ZFAND3: variants seen among roughly 807,000 people sequenced by gnomAD.
The protein encoded by ZFAND3 is zinc finger AN1-type containing 3, also known as AN1-type zinc finger protein 3.
Under a neutral mutation model 29.6 loss-of-function variants are expected in ZFAND3, and 10 were observed. That is an observed-to-expected ratio of 0.34 (90% confidence interval 0.21 to 0.57). ZFAND3 has a LOEUF of 0.57. ZFAND3 is among the 20% of genes least tolerant of loss of function. ZFAND3 has a pLI of 0.86. For missense variants in ZFAND3, 230 were observed against 304.5 expected, an observed-to-expected ratio of 0.76 and a Z score of 1.82; for synonymous variants, 128 against 112.6, an observed-to-expected ratio of 1.14 and a Z score of -0.87.
At chr6:37,854,964 G>GTTTTT (rs34283914) in intron 1 of ZFAND3, among the ~76,000 whole-genome samples, 27 of 78,958 alleles carry the variant, frequency 3.4e-4, no homozygotes, top group Non-Finnish European at 5.2e-4. Flanking sequence ...AATAATAGGT[G>GTTTTT]TTTTTTTTTT....
rs574499361 is a variant in ZFAND3, at chr6:38,137,600, C to G, written c.530-14635C>G. ...TTCTTTAGGGGAGAGATGCAGTAAG[C>G]AAGGGAACAGATAAACAAGGTAATT... On this transcript the variant is annotated intron_variant, in intron 5 of 5. Coordinates refer to ENST00000287218, the MANE Select transcript of ZFAND3 (RefSeq NM_021943.3). Among the ~76,000 whole-genome samples, 6 of 151,868 alleles carry G rather than the reference C, an allele frequency of 4.0e-5. No individual in the cohort carries two copies. In the South Asian group the frequency reaches 1.0e-3, roughly 26 times the overall value.
At chr6:37,918,207 G>A (rs1761298550) in intron 1 of ZFAND3, among the ~76,000 whole-genome samples, 1 of 152,072 alleles carries the variant, frequency 6.6e-6, no homozygotes, top group Admixed American at 6.5e-5. Flanking sequence ...CTCGCAAGTA[G>A]CTGGGACTAC....
intron 5 of ZFAND3, among the ~76,000 whole-genome samples, chr6:38,132,290 C>T (rs1295500696): frequency 6.6e-6 from 1 of 152,068 alleles, no homozygotes; most frequent in Non-Finnish European, 1.5e-5. Flanking sequence ...GTGGGAGGAT[C>T]GCTTGAAGCC....
At chr6:37,858,525 A>G (rs932010043) in intron 1 of ZFAND3, among the ~76,000 whole-genome samples, 11 of 152,232 alleles carry the variant, frequency 7.2e-5, no homozygotes, top group African/African-American at 2.4e-5. Flanking sequence ...GGCTTCTGGC[A>G]GTGGAGAGTA....
At chr6:38,068,086 T>G (rs2127465907) in intron 3 of ZFAND3, among the ~76,000 whole-genome samples, 1 of 152,308 alleles carries the variant, frequency 6.6e-6, no homozygotes, top group South Asian at 2.1e-4. Flanking sequence ...ACCTATCTCA[T>G]ACAAAACAGT....
intron 2 of ZFAND3, among the ~76,000 whole-genome samples, chr6:37,976,659 C>G (rs1762484230): frequency 6.6e-6 from 1 of 150,890 alleles, no homozygotes; most frequent in Admixed American, 6.6e-5. Flanking sequence ...AATTGACTCA[C>G]AGTTCTGCAT....
intron 2 of ZFAND3, among the ~76,000 whole-genome samples, chr6:37,957,147 C>T (rs538057685): frequency 6.6e-6 from 1 of 152,182 alleles, no homozygotes; most frequent in South Asian, 2.1e-4. Flanking sequence ...GTCTTTTAGT[C>T]TTTCTGTCCA....
chr6:37,926,534 G>A (rs1173459970), intron 1 of ZFAND3, among the ~76,000 whole-genome samples: 1 of 152,164 alleles, frequency 6.6e-6, no homozygotes, highest in Admixed American at 6.5e-5. Flanking sequence ...TCTCTCTTGT[G>A]ATGTCATTTA....
chr6:38,014,344 G>T (rs1462035693), intron 2 of ZFAND3, among the ~76,000 whole-genome samples: 6 of 115,654 alleles, frequency 5.2e-5, no homozygotes, highest in Non-Finnish European at 9.9e-5. Context: ...TTTTTTTTTT[G>T]AGATGGAGTT....
intron 1 of ZFAND3, among the ~76,000 whole-genome samples, chr6:37,837,655 C>G (rs1763994060): frequency 6.6e-6 from 1 of 152,080 alleles, no homozygotes. Context: ...CAGGCATGCG[C>G]CACCACACCC....
chr6:37,837,506 C>CTT (rs34162951), intron 1 of ZFAND3, among the ~76,000 whole-genome samples: 54 of 139,270 alleles, frequency 3.9e-4, no homozygotes, highest in African/African-American at 7.4e-4. Flanking sequence ...ATAGATAGTC[C>CTT]TTTTTTTTTT....
At chr6:38,060,294 A>G (rs553460173) in intron 2 of ZFAND3, among the ~76,000 whole-genome samples, 107 of 152,070 alleles carry the variant, frequency 7.0e-4, no homozygotes, top group Non-Finnish European at 1.3e-3. Context: ...CTTCACCTCT[A>G]ATAATACTTT....
intron 1 of ZFAND3, among the ~76,000 whole-genome samples, chr6:37,834,742 C>T (rs1001596182): frequency 3.5e-5 from 5 of 144,652 alleles, no homozygotes; most frequent in East Asian, 1.9e-4. Context: ...ATGCATATAT[C>T]ATTATGCATA....
At chr6:37,862,718 C>G (rs62398419) in intron 1 of ZFAND3, among the ~76,000 whole-genome samples, 1 of 149,232 alleles carries the variant, frequency 6.7e-6, no homozygotes, top group Non-Finnish European at 1.5e-5. Context: ...AAAAACAAAA[C>G]AAAACAAAAA....
At chr6:38,040,623 C>T (rs1390440392) in intron 2 of ZFAND3, among the ~76,000 whole-genome samples, 1 of 152,134 alleles carries the variant, frequency 6.6e-6, no homozygotes, top group Non-Finnish European at 1.5e-5. Context: ...AAAACTAATA[C>T]AAGATCTCCA....
chr6:37,899,216 T>G (rs187553790), intron 1 of ZFAND3, among the ~76,000 whole-genome samples: 116 of 152,308 alleles, frequency 7.6e-4, no homozygotes, highest in African/African-American at 2.6e-3. Context: ...TTCTGATTTT[T>G]AAGATTCCTT....
intron 2 of ZFAND3, among the ~76,000 whole-genome samples, chr6:38,008,207 G>A (rs1763083612): frequency 6.6e-6 from 1 of 152,112 alleles, no homozygotes; most frequent in Non-Finnish European, 1.5e-5. Flanking sequence ...GTTGAGAATA[G>A]CAATTAAGAC....
intron 4 of ZFAND3, among the ~76,000 whole-genome samples, chr6:38,103,428 TATATATACACGTGTATATATATACACAC>T (rs1179891424): frequency 0.19 from 25,945 of 133,536 alleles, 2,806 homozygotes; most frequent in East Asian, 0.42. Context: ...TACACACACA[TATATATACACGTGTATATATATACACAC>T]ATATATACAC....
At chr6:38,046,637 C>T (rs1225662049) in intron 2 of ZFAND3, among the ~76,000 whole-genome samples, 9 of 152,026 alleles carry the variant, frequency 5.9e-5, no homozygotes, top group African/African-American at 2.2e-4. Context: ...ACTTAGTAAC[C>T]GGTGTCCATT....
Sources: gnomAD v4.1 joint callset for allele counts (sites outside exome capture counted in the v4.1 genomes callset) on GRCh38, gnomAD v4.1.1 for gene constraint, MANE v1.5 for transcripts, NCBI Gene and HGNC (gene_info 2026-07-23, HGNC 2026-07-21) for gene names.